PPP3CC: variants seen among roughly 807,000 people sequenced by gnomAD.
PPP3CC encodes protein phosphatase 3 catalytic subunit gamma.
PPP3CC carries 35 observed loss-of-function variants against 60.3 expected under a neutral mutation model. The ratio of observed to expected loss-of-function variants is 0.58; its 90% CI spans 0.44 to 0.77. PPP3CC has a LOEUF of 0.77. PPP3CC is among the 30% of genes least tolerant of loss of function. The pLI is 0.00. For synonymous variants in PPP3CC, 206 were observed against 224.3 expected, an observed-to-expected ratio of 0.92 and a Z score of 0.73; for missense variants, 570 against 628.9, an observed-to-expected ratio of 0.91 and a Z score of 1.00.
In PPP3CC at chr8:22,485,173, G is replaced by A. The variant is rs1019124962; in HGVS notation, c.372+9549G>A. On this transcript the variant is annotated intron_variant, in intron 3 of 13. Coordinates refer to ENST00000240139, the MANE Select transcript of PPP3CC (RefSeq NM_005605.5). ...AATTTTGAGAGCCCATTTTATTGTG[G>A]GTGCTCTGGTTTAATCCCAAATACA... 3.9e-5 allele frequency among the ~76,000 whole-genome samples: 6 copies of A among 151,912 alleles called. No homozygotes were observed. In the East Asian group the frequency reaches 7.7e-4, roughly 19 times the overall value.
chr8:22,519,637 C>T lies in PPP3CC; in HGVS notation c.771-2854C>T, dbSNP rs905688567. On this transcript the variant is annotated intron_variant, in intron 6 of 13. Transcript: ENST00000240139. ...CTACACTTTAGTCCCCATTCACACA[C>T]CTAATGTAATTAATTTCAGGTTTTA... 2.6e-5 allele frequency among the ~76,000 whole-genome samples: 4 copies of T among 152,282 alleles called. No homozygotes were observed. The South Asian group carries it at 6.2e-4, about 24-fold the overall frequency.
chr8:22,496,966 C>G (rs1225708529), intron 3 of PPP3CC, among the ~76,000 whole-genome samples: 1 of 151,902 alleles, frequency 6.6e-6, no homozygotes, highest in Non-Finnish European at 1.5e-5. Flanking sequence ...CTCTTTGTTG[C>G]TGTTACAAAT....
intron 12 of PPP3CC, among the ~76,000 whole-genome samples, chr8:22,538,163 A>G (rs1405383381): frequency 6.6e-6 from 1 of 152,226 alleles, no homozygotes; most frequent in Non-Finnish European, 1.5e-5. Flanking sequence ...TTTATACCCA[A>G]TGTGAATAGC....
intron 1 of PPP3CC, among the ~76,000 whole-genome samples, chr8:22,442,354 G>A (rs905752950): frequency 3.3e-5 from 5 of 152,166 alleles, no homozygotes; most frequent in African/African-American, 1.2e-4. Flanking sequence ...AGGGGTTAGC[G>A]TGACAGTGGG....
chr8:22,486,690 AC>A (rs1330853178), intron 3 of PPP3CC, among the ~76,000 whole-genome samples: 1 of 150,884 alleles, frequency 6.6e-6, no homozygotes, highest in Non-Finnish European at 1.5e-5. Flanking sequence ...AGTACACCAA[AC>A]CTGGACATCT....
At position 22,474,969 on chromosome 8, in the gene PPP3CC, C is replaced by T; in HGVS notation, c.65C>T (p.Pro22Leu). 6.3e-7 allele frequency: 1 copy of T among 1,586,410 alleles called. No homozygotes were observed. The highest frequency in any genetic ancestry group is 8.6e-7 in the Non-Finnish European group (1 of 1,164,154). The part of the protein sequence containing the change: ...DRVIKAVPFP[P>L]TQRLTFKEVF... Reference sequence around the variant, plus strand: ...TTTTTTGTAGCTGTCCCCTTTCCTCCAACCCAACGGCTTACTTTCAAGGAA... The same window carrying T: ...TTTTTTGTAGCTGTCCCCTTTCCTCTAACCCAACGGCTTACTTTCAAGGAA... The change falls in exon 2 of 14, where the codon CCA becomes CTA. Residue 22 changes from proline to leucine, a missense_variant. Coordinates refer to ENST00000240139, the MANE Select transcript of PPP3CC (RefSeq NM_005605.5).
Position 22,489,539 on chromosome 8 carries a change from C to G in PPP3CC, c.373-8462C>G, listed in dbSNP as rs368819989. On this transcript the variant is annotated intron_variant, in intron 3 of 13. Coordinates refer to ENST00000240139, the MANE Select transcript of PPP3CC (RefSeq NM_005605.5). ...GGAGATGCACAAGCAAAGTCCTTTACTGTATTTTCTAGTGAGAGGTACAGC... is the reference window on the plus strand; with the variant it reads ...GGAGATGCACAAGCAAAGTCCTTTAGTGTATTTTCTAGTGAGAGGTACAGC... 4.6e-4 allele frequency among the ~76,000 whole-genome samples: 68 copies of G among 146,928 alleles called. 4 individuals carry two copies. The East Asian group carries it at 5.3e-3, about 11-fold the overall frequency.
At chr8:22,532,359 A>T in intron 11 of PPP3CC, 53 bp downstream of exon 11, 2 of 1,445,452 alleles carry the variant, frequency 1.4e-6, no homozygotes, top group Non-Finnish European at 1.9e-6. Flanking sequence ...AGAGTAAATT[A>T]GACGTCGAAT....
chr8:22,450,991 C>A (rs916002130), intron 1 of PPP3CC, among the ~76,000 whole-genome samples: 3 of 147,840 alleles, frequency 2.0e-5, no homozygotes, highest in African/African-American at 7.7e-5. Flanking sequence ...CGCGCCACCA[C>A]GCCCGGCTAA....
chr8:22,534,359 C>T (rs754811470), intron 12 of PPP3CC, among the ~76,000 whole-genome samples: 47 of 151,394 alleles, frequency 3.1e-4, no homozygotes, highest in Non-Finnish European at 5.0e-4. Flanking sequence ...GAGTTTGAGG[C>T]TGTAGTAAGT....
At position 22,540,651 on chromosome 8, in the gene PPP3CC, G is replaced by A. The variant is rs267601854; in HGVS notation, c.1388G>A (p.Ser463Asn). 1 of 1,613,926 alleles carries A rather than the reference G, an allele frequency of 6.2e-7. No homozygotes were observed. The highest frequency in any genetic ancestry group is 1.7e-5 in the Admixed American group (1 of 60,018). Residue 463 changes from serine to asparagine, a missense_variant, in exon 14 of 14, where the codon AGT (serine) becomes AAT (asparagine). Coordinates refer to ENST00000240139, the MANE Select transcript of PPP3CC (RefSeq NM_005605.5). The part of the protein sequence containing the change: ...RGFSLQHKIR[S>N]FEEARGLDRI... ...TTCTCGCTTCAGCACAAGATCCGGA[G>A]TTTTGAAGAAGCGCGAGGTCTGGAC...
chr8:22,506,864 C>T (rs903238592), intron 4 of PPP3CC, among the ~76,000 whole-genome samples: 1 of 151,968 alleles, frequency 6.6e-6, no homozygotes, highest in East Asian at 1.9e-4. Flanking sequence ...ATGGTGTGAA[C>T]CCGGGAGGCG....
chr8:22,507,905 C>CT (rs1838973247), intron 4 of PPP3CC, among the ~76,000 whole-genome samples: 1 of 152,124 alleles, frequency 6.6e-6, no homozygotes, highest in African/African-American at 2.4e-5. Context: ...ATGCCAAATG[C>CT]TTAACTCACT....
At position 22,532,292 on chromosome 8, in the gene PPP3CC, C is replaced by G; in HGVS notation, c.1209C>G (p.Val403=). 2 of 1,611,456 alleles carry G rather than the reference C, an allele frequency of 1.2e-6. No homozygotes were observed. Among genetic ancestry groups the G allele is most frequent in the Non-Finnish European group, 1.7e-6 (2 of 1,177,648 alleles). ...KIRAIGKMAR[V]FSILRQESES... is the part of the protein sequence containing the mutation. ...GAGCCATTGGGAAGATGGCACGGGTCTTTTCAATTCTTCGGTAAGGATGTC... is the reference window on the plus strand; with the variant it reads ...GAGCCATTGGGAAGATGGCACGGGTGTTTTCAATTCTTCGGTAAGGATGTC... The change falls in exon 11 of 14, where the codon GTC becomes GTG. Residue 403 remains valine, a synonymous_variant. Coordinates refer to ENST00000240139, the MANE Select transcript of PPP3CC (RefSeq NM_005605.5).
chr8:22,523,577 C>T (rs1394883354), intron 8 of PPP3CC: 1 of 423,220 alleles, frequency 2.4e-6, no homozygotes, highest in African/African-American at 2.1e-5. Context: ...GGCTACACAC[C>T]TATTCCAACA....
intron 1 of PPP3CC, among the ~76,000 whole-genome samples, chr8:22,456,765 C>T (rs906763462): frequency 2.0e-5 from 3 of 152,180 alleles, no homozygotes; most frequent in Non-Finnish European, 2.9e-5. Flanking sequence ...CCCTTCTCCA[C>T]GGGAAACTCA....
In PPP3CC at chr8:22,441,321, C is replaced by A. The variant is rs752868133; in HGVS notation, c.-89C>A. On this transcript the variant is annotated 5_prime_UTR_variant, in exon 1 of 14. Transcript: ENST00000240139. ...GGCACGGCTGGCTGACGGCTCCGGG[C>A]AGCTAAGGCTGCCCGAGGAGAAGGC... 4 of 1,322,588 alleles carry A rather than the reference C, an allele frequency of 3.0e-6. No individual in the cohort carries two copies. Among genetic ancestry groups the A allele is most frequent in the Middle Eastern group, 2.6e-4 (1 of 3,840 alleles). 81.9% of individuals were successfully genotyped at this position (1,322,588 alleles called of 1,614,324 possible).
rs1342674131 is a variant in PPP3CC, at chr8:22,441,404, G to T, written c.-6G>T. On this transcript the variant is annotated 5_prime_UTR_variant, in exon 1 of 14. Transcript: ENST00000240139. Reference sequence around the variant, plus strand: ...CTCCTGGAGCCTGGAGGAGGCCGAGGGGACCATGTCCGGGAGGCGCTTCCA... The same window carrying T: ...CTCCTGGAGCCTGGAGGAGGCCGAGTGGACCATGTCCGGGAGGCGCTTCCA... 2.6e-6 allele frequency: 4 copies of T among 1,541,576 alleles called. 1 individual carries two copies. The South Asian group carries it at 4.8e-5, about 19-fold the overall frequency.
intron 4 of PPP3CC, among the ~76,000 whole-genome samples, chr8:22,509,984 G>C (rs1295566349): frequency 6.6e-6 from 1 of 152,084 alleles, no homozygotes; most frequent in East Asian, 1.9e-4. Context: ...AGGAGTTTGA[G>C]ACCAGCCTGG....
Sources: gnomAD v4.1 joint callset for allele counts (sites outside exome capture counted in the v4.1 genomes callset) on GRCh38, gnomAD v4.1.1 for gene constraint, MANE v1.5 for transcripts, NCBI Gene and HGNC (gene_info 2026-07-23, HGNC 2026-07-21) for gene names.